ASB5: variants seen among roughly 807,000 people sequenced by gnomAD.
ASB5 encodes ankyrin repeat and SOCS box protein 5.
In ASB5, 45 loss-of-function variants were observed where a neutral mutation model predicts 42.1. The observed-to-expected ratio is 1.07, with a 90% CI of 0.84 to 1.37. ASB5 has a LOEUF of 1.37. Ranked by LOEUF, ASB5 falls within the 40% of genes most tolerant of loss-of-function variation. ASB5 has a pLI of 0.00. For missense variants in ASB5, 402 were observed against 399.8 expected (o/e 1.01, Z -0.05); for synonymous variants, 147 against 150.6 (o/e 0.98, Z 0.18).
rs115894571 is a variant in ASB5 at position 176,274,370 on chromosome 4, C to T, written c.-90+1426G>A. ...TTCTCTCACTTGTACGGAAAAAAAA[C>T]CCCTGATATATTTATATTTTCTGGA... is the stretch of plus-strand genomic sequence containing the variant. On this transcript the variant is annotated intron_variant, in intron 2 of 2. Coordinates refer to the ASB5 transcript ENST00000505299. 1.4e-3 allele frequency among the ~76,000 whole-genome samples: 207 copies of T among 152,140 alleles called. 1 individual carries two copies. The highest frequency in any genetic ancestry group is 4.5e-3 in the African/African-American group (187 of 41,518).
intron 1 of ASB5, among the ~76,000 whole-genome samples, chr4:176,276,519 G>C (rs1754566653): frequency 6.6e-6 from 1 of 152,188 alleles, no homozygotes; most frequent in Non-Finnish European, 1.5e-5. Context: ...AAAGATAGCT[G>C]TAACTTCTTA....
chr4:176,250,877 A>T (rs979960616), intron 1 of ASB5, among the ~76,000 whole-genome samples: 26 of 152,236 alleles, frequency 1.7e-4, no homozygotes, highest in Admixed American at 1.2e-3. Context: ...TGTACATAAG[A>T]ACTGGGCATT....
chr4:176,222,171 A>G (rs911958476), intron 3 of ASB5, 142 bp downstream of exon 3: 2 of 721,586 alleles, frequency 2.8e-6, no homozygotes, highest in African/African-American at 3.6e-5. Flanking sequence ...CAATAAGAAG[A>G]CTAAGGAATT....
chr4:176,259,173 T>A (rs1754211398), intron 1 of ASB5, among the ~76,000 whole-genome samples: 1 of 152,140 alleles, frequency 6.6e-6, no homozygotes, highest in Non-Finnish European at 1.5e-5. Flanking sequence ...AATGAAGTAT[T>A]TATTCTTTCC....
chr4:176,236,090 C>T (rs2126959085), intron 1 of ASB5, among the ~76,000 whole-genome samples: 1 of 152,046 alleles, frequency 6.6e-6, no homozygotes, highest in East Asian at 1.9e-4. Flanking sequence ...AAAACGATAG[C>T]TTATTTTCAA....
At chr4:176,246,489 A>G (rs1274666323) in intron 1 of ASB5, among the ~76,000 whole-genome samples, 1 of 152,234 alleles carries the variant, frequency 6.6e-6, no homozygotes, top group Admixed American at 6.5e-5. Flanking sequence ...GAGTGTAGAC[A>G]GTCCACACCA....
chr4:176,218,270 GAT>G (rs1753038513), intron 5 of ASB5, among the ~76,000 whole-genome samples: 1 of 78,356 alleles, frequency 1.3e-5, no homozygotes, highest in Non-Finnish European at 2.4e-5. Flanking sequence ...ATATTTGTAT[GAT>G]ATATAAATAT....
chr4:176,226,064 G>A (rs1753371183), intron 1 of ASB5, among the ~76,000 whole-genome samples: 1 of 152,226 alleles, frequency 6.6e-6, no homozygotes, highest in Non-Finnish European at 1.5e-5. Context: ...TAAATTTCAG[G>A]TGTCAACCTG....
intron 3 of ASB5, 118 bp from the exon 4 acceptor site, chr4:176,221,718 T>G (rs28415362): frequency 0.2 from 195,096 of 954,716 alleles, 21,163 homozygotes; most frequent in African/African-American, 0.29. Flanking sequence ...AATGTGCACA[T>G]TAAATATGAC....
intron 1 of ASB5, among the ~76,000 whole-genome samples, chr4:176,241,171 T>C (rs551591162): frequency 1.3e-5 from 2 of 152,264 alleles, no homozygotes; most frequent in South Asian, 4.1e-4. Flanking sequence ...AAAACAGCAA[T>C]ACTATAATAT....
chr4:176,241,698 G>C, intron 1 of ASB5: 1 of 1,286,534 alleles, frequency 7.8e-7, no homozygotes, highest in Non-Finnish European at 9.9e-7. Flanking sequence ...AGGTCTGAGA[G>C]TAAGCCTGAC....
At chr4:176,247,188 C>T (rs757318221) in intron 1 of ASB5, among the ~76,000 whole-genome samples, 35 of 151,878 alleles carry the variant, frequency 2.3e-4, no homozygotes, top group Non-Finnish European at 3.7e-4. Flanking sequence ...GGGAGATATT[C>T]AATAAAACCT....
At position 176,269,133 on chromosome 4, in the gene ASB5, CT is replaced by C. The variant is rs758220014; in HGVS notation, c.-26del. ...TTGCTGCAGAAGAATCTGCGGCGGT[CT>C]TTAGTTGGATCCAAGTCTCAAATGT... On this transcript the variant is annotated 5_prime_UTR_variant, in exon 1 of 7. Coordinates refer to ENST00000296525, the MANE Select transcript of ASB5 (RefSeq NM_080874.4). The C allele has an allele frequency of 6.3e-7, 1 of 1,594,152 alleles. No individual in the cohort carries two copies. Among genetic ancestry groups the C allele is most frequent in the African/African-American group, 1.3e-5 (1 of 74,414 alleles).
chr4:176,217,363 C>T (rs1753002406), intron 5 of ASB5, among the ~76,000 whole-genome samples: 1 of 152,016 alleles, frequency 6.6e-6, no homozygotes, highest in African/African-American at 2.4e-5. Context: ...AAAGAGTGCA[C>T]AATTAAGTTC....
chr4:176,221,022 A>T, intron 5 of ASB5, 133 bp downstream of exon 5: 1 of 1,165,660 alleles, frequency 8.6e-7, no homozygotes, highest in Non-Finnish European at 1.2e-6. Flanking sequence ...TTGGTTCTCT[A>T]TTCATGTGTG....
chr4:176,224,002 C>A (rs112066190), intron 2 of ASB5, among the ~76,000 whole-genome samples: 2,038 of 152,140 alleles, frequency 0.013, 45 homozygotes, highest in African/African-American at 0.046. Context: ...AACTGGAAGG[C>A]CCTAAGGAAG....
In ASB5 at chr4:176,215,209, T is replaced by C. The variant is rs1752934622; in HGVS notation, c.*391A>G. The C allele has an allele frequency of 6.5e-6, 1 of 153,764 alleles. No homozygotes were observed. The highest frequency in any genetic ancestry group is 2.0e-4 in the South Asian group (1 of 4,884). 9.5% of individuals were successfully genotyped at this position (153,764 alleles called of 1,614,324 possible). On this transcript the variant is annotated 3_prime_UTR_variant, in exon 7 of 7. Transcript: ENST00000296525. ...TCAATATCAGTAACAAGTTAGCCAA[T>C]TACAATAGCCAAAATTAAAAAGTTA...
upstream of ASB5, among the ~76,000 whole-genome samples, chr4:176,271,667 A>T (rs998041788): frequency 3.9e-5 from 6 of 152,176 alleles, no homozygotes; most frequent in African/African-American, 1.4e-4. Flanking sequence ...AAAATCATTT[A>T]TTGAGGGTAC....
At position 176,219,485 on chromosome 4, in the gene ASB5, TATATATATTTGTATGATATATAA is replaced by T. The variant is rs1561251118; in HGVS notation, c.670+1647_670+1669del. On this transcript the variant is annotated intron_variant, in intron 5 of 6. Transcript: ENST00000296525. ...TATATATATTTGTATGATATATAAA[TATATATATTTGTATGATATATAA>T]ATATATATATTTGTATGATATATAA... Among the ~76,000 whole-genome samples the T allele has an allele frequency of 1.1e-3, 66 of 58,716 alleles. 3 individuals are homozygous for T. The highest frequency in any genetic ancestry group is 1.8e-3 in the African/African-American group (36 of 20,380). 38.5% of individuals were successfully genotyped at this position (58,716 alleles called of 152,430 possible). A position where few individuals can be genotyped will look rare whatever the true frequency, so the allele number is the denominator to read the frequency against.
Sources: allele counts gnomAD v4.1 joint callset (sites outside exome capture counted in the v4.1 genomes callset), GRCh38; gene constraint gnomAD v4.1.1; transcripts MANE v1.5; gene names NCBI Gene and HGNC (gene_info 2026-07-23, HGNC 2026-07-21).